PEX5: variants seen among roughly 807,000 people sequenced by gnomAD.
PEX5 encodes the protein peroxisomal biogenesis factor 5.
In PEX5, 52 loss-of-function variants were observed where a neutral mutation model predicts 82.9. That is an observed-to-expected ratio of 0.63 (90% CI 0.50 to 0.79). The LOEUF (loss-of-function observed/expected upper bound fraction) is 0.79, where lower values mean the gene tolerates loss of function less well. PEX5 is among the 30% of genes least tolerant of loss of function. The probability of loss-of-function intolerance (pLI) is 0.00; values close to 1 mark genes in which losing one functional copy is unlikely to be tolerated. For synonymous variants in PEX5, 300 were observed against 318.8 expected (o/e 0.94, Z 0.63); for missense variants, 719 against 815.2 (o/e 0.88, Z 1.44).
intron 6 of PEX5, 96 bp downstream of exon 6, chr12:7,199,209 C>G: frequency 2.5e-6 from 1 of 396,380 alleles, no homozygotes; most frequent in African/African-American, 2.7e-5. Flanking sequence ...TTACTTTATT[C>G]TTTTTTTTTT....
chr12:7,209,923 G>C, intron 15 of PEX5, 83 bp downstream of exon 15: 1 of 1,598,930 alleles, frequency 6.3e-7, no homozygotes, highest in South Asian at 1.1e-5. Flanking sequence ...GATCCTGTTT[G>C]ACTAACCAGC....
chr12:7,190,805 CGAG>C, intron 2 of PEX5, 80 bp from the exon 3 acceptor site: 1 of 1,397,826 alleles, frequency 7.2e-7, no homozygotes, highest in Non-Finnish European at 1.0e-6. Flanking sequence ...ATGAAGAAGC[CGAG>C]GCTCAGATGC....
At chr12:7,211,912 C>G (rs956644704), downstream of PEX5, among the ~76,000 whole-genome samples, 87 of 150,988 alleles carry the variant, frequency 5.8e-4, no homozygotes, top group African/African-American at 2.0e-3. Context: ...AATATTTATA[C>G]TTGGAGATAG....
At chr12:7,196,152 T>A (rs1288717130) in intron 5 of PEX5, among the ~76,000 whole-genome samples, 7 of 144,428 alleles carry the variant, frequency 4.8e-5, no homozygotes, top group Non-Finnish European at 7.5e-5. Flanking sequence ...TTACATATGT[T>A]ACATATAATG....
At position 7,208,683 on chromosome 12, in the gene PEX5, G is replaced by A; in HGVS notation, c.1394+14G>A. The A allele has an allele frequency of 1.3e-6, 2 of 1,599,808 alleles. No individual in the cohort carries two copies. Among genetic ancestry groups the A allele is most frequent in the African/African-American group, 1.3e-5 (1 of 74,766 alleles). On this transcript the variant is annotated intron_variant, in intron 13 of 15. Transcript: ENST00000675855. ...TCTCTTGTCTGAGTGAGTATGAGGG[G>A]TTCCTAGGATGAGGAATTACAGTAA... is the stretch of plus-strand genomic sequence containing the variant.
intron 6 of PEX5, among the ~76,000 whole-genome samples, chr12:7,199,739 G>C (rs1943413429): frequency 6.6e-6 from 1 of 151,308 alleles, no homozygotes; most frequent in African/African-American, 2.4e-5. Flanking sequence ...CAGACGGGGT[G>C]GTGGCCAGGC....
chr12:7,193,305 C>T (rs369049325), intron 5 of PEX5, among the ~76,000 whole-genome samples: 8 of 147,742 alleles, frequency 5.4e-5, no homozygotes, highest in East Asian at 2.0e-4. Context: ...GCAATCTGTA[C>T]GCACTGCAAC....
chr12:7,218,383 C>G (rs748007243), intron 17 of PEX5: 1 of 152,248 alleles, frequency 6.6e-6, no homozygotes, highest in East Asian at 1.9e-4. Context: ...ATTCAATTTA[C>G]CCATTTGTTT....
chr12:7,211,946 G>C (rs1591816721), downstream of PEX5, among the ~76,000 whole-genome samples: 1 of 61,926 alleles, frequency 1.6e-5, no homozygotes, highest in South Asian at 7.6e-4. Context: ...CATTAGACTT[G>C]GAAAAAAAAT....
intron 10 of PEX5, among the ~76,000 whole-genome samples, chr12:7,204,360 AG>A (rs1268863324): frequency 6.6e-6 from 1 of 152,252 alleles, no homozygotes; most frequent in African/African-American, 2.4e-5. Flanking sequence ...GATGCAAACC[AG>A]GGTGCTGGAG....
At chr12:7,196,487 T>C (rs866983533) in intron 5 of PEX5, among the ~76,000 whole-genome samples, 5 of 136,278 alleles carry the variant, frequency 3.7e-5, no homozygotes, top group Admixed American at 8.0e-5. Flanking sequence ...ACATCATATA[T>C]AATGTAATAA....
intron 3 of PEX5, 144 bp downstream of exon 3, chr12:7,191,067 C>G (rs1056267907): frequency 8.4e-7 from 1 of 1,190,512 alleles, no homozygotes. Flanking sequence ...ATTTTTTCGT[C>G]CTTCTAAATC....
chr12:7,202,344 A>G lies in PEX5; in HGVS notation c.746A>G (p.Gln249Arg), dbSNP rs746676480. The G allele has an allele frequency of 6.2e-7, 1 of 1,614,138 alleles. No individual in the cohort carries two copies. Among genetic ancestry groups the G allele is most frequent in the South Asian group, 1.1e-5 (1 of 91,084 alleles). ...GAACAGTGGGCAGCAGAGTTTATACAGCAGCAGGTAGGACATTGTCACTTT... is the reference window on the plus strand; with the variant it reads ...GAACAGTGGGCAGCAGAGTTTATACGGCAGCAGGTAGGACATTGTCACTTT... The part of the protein sequence containing the change: ...QAEQWAAEFI[Q>R]QQGTSDAWVD... Residue 249 changes from glutamine to arginine, a missense_variant, in exon 8 of 16, where the codon CAG becomes CGG. Physicochemically the swap from Gln to Arg is conservative, Grantham distance 43. Coordinates refer to ENST00000675855, the MANE Select transcript of PEX5 (RefSeq NM_001351132.2).
chr12:7,196,302 CAT>C (rs1164209412), intron 5 of PEX5, among the ~76,000 whole-genome samples: 3 of 44,438 alleles, frequency 6.8e-5, no homozygotes, highest in African/African-American at 7.8e-5. Context: ...AATTATATGT[CAT>C]ATATAATTTA....
At position 7,218,148 on chromosome 12, in the gene PEX5, G is replaced by A. The variant is rs972471784; in HGVS notation, c.*20-254G>A. ...CTGCAAAGAGATGTGGATACAGGGA[G>A]GTATGATTTATTGACGATTATTATG... On this transcript the variant is annotated intron_variant, in intron 17 of 17. Transcript: ENST00000455147. Among the ~76,000 whole-genome samples the A allele has an allele frequency of 2.0e-5, 3 of 152,268 alleles. No individual in the cohort carries two copies. In the East Asian group the frequency reaches 5.8e-4, roughly 29 times the overall value.
chr12:7,202,700 T>C lies in PEX5; in HGVS notation c.842T>C (p.Ile281Thr). 6.2e-7 allele frequency: 1 copy of C among 1,611,796 alleles called. No individual in the cohort carries two copies. Among genetic ancestry groups the C allele is most frequent in the Non-Finnish European group, 8.5e-7 (1 of 1,177,882 alleles). ...GAGTTTGAACGAGCCAAGTCAGCTA[T>C]AGAGGTGAGAGCAGATAGTGCAGGA... is the stretch of plus-strand genomic sequence containing the variant. ...DMEFERAKSA[I>T]ESDVDFWDKL... Residue 281 changes from isoleucine (I) to threonine (T), a missense_variant, in exon 9 of 16, where the codon ATA becomes ACA. Coordinates refer to ENST00000675855, the MANE Select transcript of PEX5 (RefSeq NM_001351132.2).
rs775495288 is a variant in PEX5 at position 7,210,333 on chromosome 12, G to A, written c.*110G>A. 1.6e-4 allele frequency: 158 copies of A among 998,000 alleles called. No homozygotes were observed. Among genetic ancestry groups the A allele is most frequent in the African/African-American group, 1.5e-3 (97 of 63,424 alleles). 61.8% of individuals were successfully genotyped at this position (998,000 alleles called of 1,614,324 possible). On this transcript the variant is annotated 3_prime_UTR_variant, in exon 16 of 16. Transcript: ENST00000675855. ...AGGGGGCGGGCTGATGACCATAAGC[G>A]GTACGGCCTTTCAGGAGCTGCCTCA...
At position 7,208,525 on chromosome 12, in the gene PEX5, C is replaced by T. The variant is rs769785732; in HGVS notation, c.1250C>T (p.Ser417Phe). 4.3e-6 allele frequency: 7 copies of T among 1,614,006 alleles called. No homozygotes were observed. The highest frequency in any genetic ancestry group is 5.9e-6 in the Non-Finnish European group (7 of 1,180,002). ...CTGGCTGTGAGCTTCACCAACGAGT[C>T]CCTGCAGCGACAGGCCTGTGAAACC... ...MALAVSFTNE[S>F]LQRQACETLR... The change falls in exon 13 of 16, where the codon TCC (serine) becomes TTC (phenylalanine). Residue 417 changes from serine to phenylalanine, a missense_variant. Ser to Phe is a radical substitution (Grantham distance 155). Coordinates refer to ENST00000675855, the MANE Select transcript of PEX5 (RefSeq NM_001351132.2).
At chr12:7,208,117 A>C in intron 12 of PEX5, 37 bp downstream of exon 12, 1 of 1,466,252 alleles carries the variant, frequency 6.8e-7, no homozygotes, top group African/African-American at 1.4e-5. Context: ...GGTGCTTCCA[A>C]GGCTCTGCAT....
Sources: gnomAD v4.1 joint callset for allele counts (sites outside exome capture counted in the v4.1 genomes callset) on GRCh38, gnomAD v4.1.1 for gene constraint, MANE v1.5 for transcripts, NCBI Gene and HGNC (gene_info 2026-07-23, HGNC 2026-07-21) for gene names.